GABRA4: variants seen among roughly 807,000 people sequenced by gnomAD.
GABRA4 encodes the protein gamma-aminobutyric acid receptor subunit alpha-4.
A neutral mutation model predicts 49.7 loss-of-function variants in GABRA4; 12 were observed. That is an observed-to-expected ratio of 0.24 (90% CI 0.15 to 0.39). GABRA4 has a LOEUF of 0.39. Ranked by LOEUF, GABRA4 falls within the 10% of genes least tolerant of loss-of-function variation. The pLI is 1.00. For synonymous variants in GABRA4, 288 were observed against 240.2 expected (o/e 1.20, Z -1.84); for missense variants, 506 against 686.0 (o/e 0.74, Z 2.93).
intron 7 of GABRA4, among the ~76,000 whole-genome samples, chr4:46,969,292 A>C (rs1722870135): frequency 6.6e-6 from 1 of 151,576 alleles, no homozygotes; most frequent in South Asian, 2.1e-4. Flanking sequence ...TTTTATGCGT[A>C]AAATATAATA....
chr4:46,964,011 A>C (rs964704311), intron 8 of GABRA4, among the ~76,000 whole-genome samples: 19 of 151,896 alleles, frequency 1.3e-4, no homozygotes, highest in African/African-American at 4.3e-4. Flanking sequence ...AAGCAACCTA[A>C]GTGTCTATAA....
intron 8 of GABRA4, among the ~76,000 whole-genome samples, chr4:46,947,080 T>C (rs995136613): frequency 6.6e-6 from 1 of 151,882 alleles, no homozygotes; most frequent in Non-Finnish European, 1.5e-5. Flanking sequence ...TGACACAACA[T>C]AGATTGCCAA....
intron 2 of GABRA4, among the ~76,000 whole-genome samples, chr4:46,992,436 A>G (rs2109415018): frequency 6.6e-6 from 1 of 152,314 alleles, no homozygotes; most frequent in East Asian, 1.9e-4. Flanking sequence ...TGGGAGGATG[A>G]GGGACTTCGG....
chr4:46,946,833 A>C (rs1363887371), intron 8 of GABRA4, among the ~76,000 whole-genome samples: 1 of 152,114 alleles, frequency 6.6e-6, no homozygotes, highest in East Asian at 1.9e-4. Context: ...TTTTGAACAC[A>C]AAGCAATAAT....
In GABRA4 at chr4:46,925,943, T is replaced by G. The variant is rs1341576934; in HGVS notation, c.*2282A>C. The stretch of plus-strand genomic sequence containing the variant: ...TGTAAAGGTAAGAAAAAAAATCATT[T>G]CTTTTTATCTCTTTACACTCTGTAA... On this transcript the variant is annotated 3_prime_UTR_variant, in exon 9 of 9. Coordinates refer to ENST00000264318, the MANE Select transcript of GABRA4 (RefSeq NM_000809.4). 6.6e-6 allele frequency: 1 copy of G among 151,602 alleles called. No homozygotes were observed. The highest frequency in any genetic ancestry group is 1.5e-5 in the Non-Finnish European group (1 of 67,764). The allele number at this position is 151,602 out of a possible 1,614,324, so 9.4% of individuals were successfully genotyped here. A position where few individuals can be genotyped will look rare whatever the true frequency, so the allele number is the denominator to read the frequency against.
In GABRA4 at chr4:46,927,651, G is replaced by C. The variant is rs7660336; in HGVS notation, c.*574C>G. ...TGTTTAGCCAACATAAGAAAGGGAA[G>C]ATATTTCCTCTGGTCTTTGTCTTAG... On this transcript the variant is annotated 3_prime_UTR_variant, in exon 9 of 9. Transcript: ENST00000264318. 79,289 of 152,320 alleles carry C rather than the reference G, an allele frequency of 0.52. 20,804 individuals carry two copies. Among genetic ancestry groups the C allele is most frequent in the East Asian group, 0.66 (3,420 of 5,166 alleles). The allele number at this position is 152,320 out of a possible 1,614,324, so 9.4% of individuals were successfully genotyped here. A position where few individuals can be genotyped will look rare whatever the true frequency, so the allele number is the denominator to read the frequency against.
At chr4:46,966,907 A>G (rs888576705) in intron 7 of GABRA4, among the ~76,000 whole-genome samples, 4 of 151,760 alleles carry the variant, frequency 2.6e-5, no homozygotes, top group Admixed American at 6.6e-5. Context: ...ATATCTGCAT[A>G]TCTATGAAAA....
chr4:46,949,316 C>T (rs1560468494), intron 8 of GABRA4, among the ~76,000 whole-genome samples: 1 of 152,112 alleles, frequency 6.6e-6, no homozygotes, highest in Non-Finnish European at 1.5e-5. Flanking sequence ...ATCTAGATTA[C>T]TATTTGGAAA....
chr4:46,966,478 T>G (rs1722756211), intron 7 of GABRA4, among the ~76,000 whole-genome samples: 1 of 151,794 alleles, frequency 6.6e-6, no homozygotes. Flanking sequence ...CAGAATTTTG[T>G]TGTATTCTGC....
rs772893111 is a variant in GABRA4, at chr4:46,927,936, C to T, written c.*289G>A. 2.1e-4 allele frequency: 49 copies of T among 228,648 alleles called. No individual in the cohort carries two copies. The highest frequency in any genetic ancestry group is 4.1e-4 in the Admixed American group (8 of 19,308). 14.2% of individuals were successfully genotyped at this position (228,648 alleles called of 1,614,324 possible). A position where few individuals can be genotyped will look rare whatever the true frequency, so the allele number is the denominator to read the frequency against. ...TTTCAAATATCAATGAAAAAATATG[C>T]GCCACTTGTCTCTAATAGCTCTATT... On this transcript the variant is annotated 3_prime_UTR_variant, in exon 9 of 9. Coordinates refer to ENST00000264318, the MANE Select transcript of GABRA4 (RefSeq NM_000809.4).
chr4:46,944,848 C>A (rs776381892), intron 8 of GABRA4, among the ~76,000 whole-genome samples: 2 of 152,082 alleles, frequency 1.3e-5, no homozygotes, highest in Admixed American at 6.6e-5. Context: ...TGTGTGAGTG[C>A]CCCTCCAGAC....
chr4:46,979,265 C>A (rs1036674577), intron 2 of GABRA4, among the ~76,000 whole-genome samples, 167 bp from the exon 3 acceptor site: 2 of 152,030 alleles, frequency 1.3e-5, no homozygotes, highest in Non-Finnish European at 2.9e-5. Flanking sequence ...TAGACCAAAG[C>A]GCAACAAGAC....
At chr4:46,973,069 C>A (rs563701304) in intron 6 of GABRA4, among the ~76,000 whole-genome samples, 4 of 151,732 alleles carry the variant, frequency 2.6e-5, no homozygotes, top group African/African-American at 4.8e-5. Context: ...TGTACTTAAA[C>A]CTTTCTCGTG....
chr4:46,948,340 AG>A (rs1440576250), intron 8 of GABRA4, among the ~76,000 whole-genome samples: 5 of 152,094 alleles, frequency 3.3e-5, no homozygotes, highest in African/African-American at 1.2e-4. Context: ...CTGCCAGAAA[AG>A]AGGATATTAA....
At chr4:46,970,988 A>C in intron 7 of GABRA4, 95 bp downstream of exon 7, 1 of 1,115,834 alleles carries the variant, frequency 9.0e-7, no homozygotes, top group Non-Finnish European at 1.3e-6. Flanking sequence ...GGATAGCCTG[A>C]TGTATTAGGG....
In GABRA4 at chr4:46,992,820, G is replaced by A. The variant is rs776429271; in HGVS notation, c.205+8C>T. The A allele has an allele frequency of 1.6e-5, 25 of 1,602,240 alleles. No individual in the cohort carries two copies. Among genetic ancestry groups the A allele is most frequent in the East Asian group, 2.2e-5 (1 of 44,812 alleles). On this transcript the variant is annotated splice_region_variant and intron_variant, in intron 2 of 8. Transcript: ENST00000264318. The stretch of plus-strand genomic sequence containing the variant: ...AGGACACACTTGCGCGTTTGAAATC[G>A]TTCATACCCCCAAATCCAGGACGCA...
intron 7 of GABRA4, among the ~76,000 whole-genome samples, chr4:46,965,533 A>G (rs891117959): frequency 6.6e-6 from 1 of 151,740 alleles, no homozygotes; most frequent in African/African-American, 2.4e-5. Flanking sequence ...GTTTTCTATA[A>G]AGGTTAAAAG....
intron 8 of GABRA4, among the ~76,000 whole-genome samples, chr4:46,951,545 T>C (rs1722172631): frequency 6.6e-6 from 1 of 151,910 alleles, no homozygotes; most frequent in Non-Finnish European, 1.5e-5. Context: ...TTCTGCTTTT[T>C]GAATACAGAG....
intron 7 of GABRA4, among the ~76,000 whole-genome samples, chr4:46,967,692 C>A (rs186489096): frequency 6.6e-6 from 1 of 151,698 alleles, no homozygotes; most frequent in South Asian, 2.1e-4. Flanking sequence ...ATGGCTTAGC[C>A]GGCATCTACC....
Sources: gnomAD v4.1 joint callset for allele counts (sites outside exome capture counted in the v4.1 genomes callset) on GRCh38, gnomAD v4.1.1 for gene constraint, MANE v1.5 for transcripts, NCBI Gene and HGNC (gene_info 2026-07-23, HGNC 2026-07-21) for gene names.